Variants in SV2C observed in about 807,000 individuals in gnomAD.
The protein encoded by SV2C is synaptic vesicle glycoprotein 2C.
Under a neutral mutation model 79.7 loss-of-function variants are expected in SV2C, and 49 were observed. That is an observed-to-expected ratio of 0.61 (90% CI 0.49 to 0.78). The LOEUF (loss-of-function observed/expected upper bound fraction) is 0.78. Among genes scored for constraint, SV2C ranks in the 30% least tolerant of loss-of-function variants. The pLI, the probability that SV2C is intolerant of heterozygous loss-of-function variation, is 0.00. For synonymous variants in SV2C, 334 were observed against 333.2 expected (o/e 1.00, Z -0.03); for missense variants, 833 against 912.9 (o/e 0.91, Z 1.13).
At chr5:76,088,293 T>A (rs1420666209) in intron 1 of SV2C, among the ~76,000 whole-genome samples, 1 of 152,224 alleles carries the variant, frequency 6.6e-6, no homozygotes, top group Non-Finnish European at 1.5e-5. Flanking sequence ...ACAATAAAAA[T>A]TTTTAAGTAT....
the SV2C span, among the ~76,000 whole-genome samples, chr5:76,001,956 C>T: frequency 6.6e-6 from 1 of 152,018 alleles, no homozygotes; most frequent in African/African-American, 2.4e-5. Flanking sequence ...CCCCCTCCCA[C>T]CATTCCCCCT....
intron 10 of SV2C, 112 bp from the exon 11 acceptor site, chr5:76,300,617 C>A (rs1008637865): frequency 2.7e-6 from 3 of 1,109,762 alleles, no homozygotes; most frequent in Non-Finnish European, 2.6e-6. Flanking sequence ...GGCCTGAAAG[C>A]CCTCAAGGAA....
At chr5:76,108,794 T>A (rs957090107) in intron 1 of SV2C, among the ~76,000 whole-genome samples, 1 of 152,230 alleles carries the variant, frequency 6.6e-6, no homozygotes, top group African/African-American at 2.4e-5. Context: ...GGCGATAACA[T>A]GTTAGTTTCA....
chr5:76,293,444 C>G (rs1747627649), intron 8 of SV2C, among the ~76,000 whole-genome samples: 1 of 152,098 alleles, frequency 6.6e-6, no homozygotes, highest in Non-Finnish European at 1.5e-5. Context: ...TCAATAGTGC[C>G]TAGTATTTAG....
At position 76,328,436 on chromosome 5, in the gene SV2C, G is replaced by A. The variant is rs1749072456; in HGVS notation, c.*2889G>A. 6.6e-6 allele frequency: 1 copy of A among 152,124 alleles called. No homozygotes were observed. The highest frequency in any genetic ancestry group is 6.5e-5 in the Admixed American group (1 of 15,268). 9.4% of individuals were successfully genotyped at this position (152,124 alleles called of 1,614,324 possible). On this transcript the variant is annotated 3_prime_UTR_variant, in exon 13 of 13. Transcript: ENST00000502798. Reference sequence around the variant, plus strand: ...TCTCAGTAGGGAAAAACAAACAACTGCTTCAAACTGTGAATTCTGTATGTA... The same window carrying A: ...TCTCAGTAGGGAAAAACAAACAACTACTTCAAACTGTGAATTCTGTATGTA...
chr5:76,044,527 A>C, the SV2C span, among the ~76,000 whole-genome samples: 2 of 152,190 alleles, frequency 1.3e-5, no homozygotes, highest in African/African-American at 2.4e-5. Flanking sequence ...ATTCCCACCA[A>C]TAGTGTAAAA....
intron 1 of SV2C, among the ~76,000 whole-genome samples, chr5:76,108,184 A>G (rs527284670): frequency 1.3e-5 from 2 of 152,376 alleles, no homozygotes; most frequent in African/African-American, 2.4e-5. Flanking sequence ...ATTATGTAAT[A>G]TGAAAGCAAC....
At chr5:75,920,810 C>G in the SV2C span, 3,414 of 770,442 alleles carry the variant, frequency 4.4e-3, 91 homozygotes, top group East Asian at 0.051. Flanking sequence ...ACTTGCCAGG[C>G]GAGACGTTCT....
At chr5:76,077,154 G>A in the SV2C span, among the ~76,000 whole-genome samples, 6 of 151,942 alleles carry the variant, frequency 3.9e-5, no homozygotes, top group East Asian at 3.9e-4. Context: ...CTAATTAAAC[G>A]ACACATATGT....
chr5:76,310,945 A>G (rs1331686752), intron 12 of SV2C, among the ~76,000 whole-genome samples: 1 of 152,240 alleles, frequency 6.6e-6, no homozygotes, highest in African/African-American at 2.4e-5. Flanking sequence ...GCAAGTGGTC[A>G]AAGTATTAAG....
chr5:75,874,305 A>AT, the SV2C span, among the ~76,000 whole-genome samples: 1 of 152,142 alleles, frequency 6.6e-6, no homozygotes, highest in Non-Finnish European at 1.5e-5. Flanking sequence ...GACAAAAAAA[A>AT]CACATGATTA....
chr5:76,047,383 T>C, the SV2C span, among the ~76,000 whole-genome samples: 1 of 152,200 alleles, frequency 6.6e-6, no homozygotes, highest in East Asian at 1.9e-4. Flanking sequence ...GTGTGGCTTA[T>C]TTTATCCAAC....
At chr5:75,902,275 A>G in the SV2C span, among the ~76,000 whole-genome samples, 1 of 152,162 alleles carries the variant, frequency 6.6e-6, no homozygotes, top group African/African-American at 2.4e-5. Flanking sequence ...TTTGAACAGT[A>G]ATCTGGGTCT....
At chr5:75,897,008 T>C in the SV2C span, among the ~76,000 whole-genome samples, 2 of 145,070 alleles carry the variant, frequency 1.4e-5, no homozygotes, top group Non-Finnish European at 2.9e-5. Flanking sequence ...TTTTCTCCCA[T>C]TTTGTAGGTT....
the SV2C span, among the ~76,000 whole-genome samples, chr5:75,964,616 C>G: frequency 6.6e-6 from 1 of 152,108 alleles, no homozygotes; most frequent in Non-Finnish European, 1.5e-5. Context: ...CTCTGGGCAT[C>G]CCCCTCCATC....
chr5:75,871,981 A>T, the SV2C span, among the ~76,000 whole-genome samples: 10 of 147,600 alleles, frequency 6.8e-5, no homozygotes, highest in African/African-American at 2.5e-4. Context: ...TATTTAACAA[A>T]TATATATAAC....
chr5:76,207,807 T>C (rs1171318848), intron 3 of SV2C, among the ~76,000 whole-genome samples: 1 of 152,124 alleles, frequency 6.6e-6, no homozygotes, highest in Non-Finnish European at 1.5e-5. Flanking sequence ...ATTAATTAAA[T>C]GATGTCTTTC....
intron 3 of SV2C, among the ~76,000 whole-genome samples, chr5:76,195,895 T>C (rs1744257292): frequency 6.6e-6 from 1 of 152,178 alleles, no homozygotes; most frequent in South Asian, 2.1e-4. Context: ...TCTGCACATG[T>C]TCCCCTGAAC....
the SV2C span, among the ~76,000 whole-genome samples, chr5:76,047,289 C>T: frequency 6.2e-4 from 95 of 152,264 alleles, no homozygotes; most frequent in African/African-American, 2.1e-3. Context: ...ACCCATGATT[C>T]GACTTCTAAT....
Sources: allele counts gnomAD v4.1 joint callset (sites outside exome capture counted in the v4.1 genomes callset), GRCh38; gene constraint gnomAD v4.1.1; transcripts MANE v1.5; gene names NCBI Gene and HGNC (gene_info 2026-07-23, HGNC 2026-07-21).